NAA25: variants seen among roughly 807,000 people sequenced by gnomAD.
The protein encoded by NAA25 is N-terminal acetyltransferase B complex subunit NAA25.
NAA25 carries 30 observed loss-of-function variants against 132.5 expected under a neutral mutation model. That is an observed-to-expected ratio of 0.23 (90% confidence interval 0.17 to 0.31). The LOEUF (loss-of-function observed/expected upper bound fraction) is 0.31, where lower values mean the gene tolerates loss of function less well. Among genes scored for constraint, NAA25 ranks in the 10% least tolerant of loss-of-function variants. The pLI, the probability that NAA25 is intolerant of heterozygous loss-of-function variation, is 1.00. For synonymous variants in NAA25, 359 were observed against 401.9 expected, an observed-to-expected ratio of 0.89 and a Z score of 1.28; for missense variants, 771 against 1,150.4, an observed-to-expected ratio of 0.67 and a Z score of 4.77.
At chr12:112,082,340 A>G (rs899719150) in intron 4 of NAA25, among the ~76,000 whole-genome samples, 2 of 152,154 alleles carry the variant, frequency 1.3e-5, no homozygotes, top group African/African-American at 4.8e-5. Flanking sequence ...AGGTTGAGAC[A>G]GGAGGATCAT....
intron 20 of NAA25, among the ~76,000 whole-genome samples, chr12:112,041,482 C>A (rs756348189): frequency 2.6e-5 from 4 of 152,068 alleles, no homozygotes; most frequent in Non-Finnish European, 4.4e-5. Context: ...AGTCACCATG[C>A]CCGGCCAGAA....
chr12:112,045,561 C>T (rs1373976838), intron 17 of NAA25, among the ~76,000 whole-genome samples: 1 of 151,520 alleles, frequency 6.6e-6, no homozygotes, highest in Non-Finnish European at 1.5e-5. Context: ...TTGAGTGGCC[C>T]AGATGGGGGG....
chr12:112,053,507 A>G, intron 15 of NAA25, 51 bp downstream of exon 15: 1 of 1,292,256 alleles, frequency 7.7e-7, no homozygotes, highest in Non-Finnish European at 1.1e-6. Flanking sequence ...GCTCCTCAAT[A>G]GTGTGCAGTC....
chr12:112,086,725 G>C (rs915114898), intron 4 of NAA25, among the ~76,000 whole-genome samples: 1 of 151,994 alleles, frequency 6.6e-6, no homozygotes, highest in Non-Finnish European at 1.5e-5. Context: ...AAAAGTACTA[G>C]CTTGGGCTGG....
At chr12:112,045,700 C>A (rs1256279075) in intron 17 of NAA25, among the ~76,000 whole-genome samples, 3 of 151,976 alleles carry the variant, frequency 2.0e-5, no homozygotes, top group African/African-American at 7.3e-5. Context: ...GAGGCTGAGG[C>A]AGGAGAATCC....
chr12:112,064,396 A>G (rs1183641442), intron 11 of NAA25: 1 of 151,918 alleles, frequency 6.6e-6, no homozygotes, highest in African/African-American at 2.4e-5. Flanking sequence ...ACACCTGGCT[A>G]ATTTTTGTAT....
rs577940801 is a variant in NAA25, at chr12:112,078,015, TA to T, written c.664+172del. Among the ~76,000 whole-genome samples, 93 of 152,104 alleles carry T rather than the reference TA, an allele frequency of 6.1e-4. 1 individual carries two copies. The highest frequency in any genetic ancestry group is 2.1e-3 in the African/African-American group (89 of 41,530). On this transcript the variant is annotated intron_variant, in intron 7 of 23. Coordinates refer to ENST00000261745, the MANE Select transcript of NAA25 (RefSeq NM_024953.4). ...AGTTTCTGAATCTGTTATTTTCAAG[TA>T]AAAACATTTTTAAAAATAAATTTAC... is the stretch of plus-strand genomic sequence containing the variant.
intron 6 of NAA25, 79 bp from the exon 7 acceptor site, chr12:112,078,345 A>C: frequency 1.8e-6 from 2 of 1,099,678 alleles, no homozygotes; most frequent in Non-Finnish European, 2.7e-6. Flanking sequence ...GTTTTTAAAA[A>C]GTTATTTAAT....
intron 1 of NAA25, among the ~76,000 whole-genome samples, chr12:112,103,137 C>A (rs940906838): frequency 6.6e-6 from 1 of 152,192 alleles, no homozygotes; most frequent in African/African-American, 2.4e-5. Context: ...CAGGCGCCTG[C>A]CACCACACCT....
chr12:112,071,826 C>CGGTGGTT, intron 10 of NAA25, 69 bp downstream of exon 10: 2 of 1,247,876 alleles, frequency 1.6e-6, no homozygotes, highest in Admixed American at 2.4e-5. Flanking sequence ...GTGTAGATCT[C>CGGTGGTT]AACTAATGAA....
At chr12:112,071,866 C>T in intron 10 of NAA25, 29 bp downstream of exon 10, 4 of 1,593,168 alleles carry the variant, frequency 2.5e-6, no homozygotes, top group Non-Finnish European at 2.6e-6. Flanking sequence ...GGGCATTCTC[C>T]AGGCTTACCA....
intron 1 of NAA25, among the ~76,000 whole-genome samples, chr12:112,102,505 C>T (rs186046794): frequency 1.9e-3 from 288 of 152,246 alleles, no homozygotes; most frequent in Admixed American, 2.8e-3. Flanking sequence ...GTTTAAAAGT[C>T]TAGGTCAGGG....
chr12:112,084,506 G>A (rs1041519676), intron 4 of NAA25, among the ~76,000 whole-genome samples: 20 of 152,292 alleles, frequency 1.3e-4, no homozygotes, highest in Middle Eastern at 3.4e-3. Flanking sequence ...TTAGCCAGGC[G>A]TGGGCGGGGC....
intron 4 of NAA25, among the ~76,000 whole-genome samples, chr12:112,083,441 G>A (rs2078999502): frequency 6.6e-6 from 1 of 151,980 alleles, no homozygotes; most frequent in African/African-American, 2.4e-5. Flanking sequence ...GGAGGTGGAG[G>A]TTGCAGTGGG....
At chr12:112,090,663 A>T in intron 3 of NAA25, 63 bp downstream of exon 3, 1 of 1,543,230 alleles carries the variant, frequency 6.5e-7, no homozygotes, top group African/African-American at 1.4e-5. Flanking sequence ...ACAAGGGCAA[A>T]CAGTCAGAAA....
In NAA25 at chr12:112,074,659, A is replaced by G; in HGVS notation, c.866+16T>C. ...TTAAAAAGTGCTGTTATAATTCAGGAAAGAAGACAACTTACTGTTCACCTT... is the reference window on the plus strand; with the variant it reads ...TTAAAAAGTGCTGTTATAATTCAGGGAAGAAGACAACTTACTGTTCACCTT... On this transcript the variant is annotated intron_variant, in intron 9 of 23. Coordinates refer to ENST00000261745, the MANE Select transcript of NAA25 (RefSeq NM_024953.4). 1.9e-6 allele frequency: 3 copies of G among 1,557,326 alleles called. No homozygotes were observed. Among genetic ancestry groups the G allele is most frequent in the Non-Finnish European group, 1.8e-6 (2 of 1,137,966 alleles).
chr12:112,062,384 G>A (rs1403412772), intron 11 of NAA25, among the ~76,000 whole-genome samples: 3 of 138,546 alleles, frequency 2.2e-5, no homozygotes, highest in Non-Finnish European at 3.1e-5. Context: ...CTGGGCAACA[G>A]AGCGAGACTC....
chr12:112,065,782 C>G (rs1024761194), intron 11 of NAA25: 1 of 152,178 alleles, frequency 6.6e-6, no homozygotes, highest in Non-Finnish European at 1.5e-5. Context: ...GATAACTGAA[C>G]TCACTGGCTC....
intron 10 of NAA25, among the ~76,000 whole-genome samples, chr12:112,069,540 G>T (rs1441504034): frequency 6.6e-6 from 1 of 152,034 alleles, no homozygotes; most frequent in Admixed American, 6.6e-5. Flanking sequence ...TATAAAATAG[G>T]CTGGGTGCAG....
Sources: allele counts gnomAD v4.1 joint callset (sites outside exome capture counted in the v4.1 genomes callset), GRCh38; gene constraint gnomAD v4.1.1; transcripts MANE v1.5; gene names NCBI Gene and HGNC (gene_info 2026-07-23, HGNC 2026-07-21).